HECTD4: variants seen among roughly 807,000 people sequenced by gnomAD.
HECTD4 encodes HECT domain E3 ubiquitin protein ligase 4, also known as probable E3 ubiquitin-protein ligase HECTD4.
A neutral mutation model predicts 471.5 loss-of-function variants in HECTD4; 114 were observed. That is an observed-to-expected ratio of 0.24 (90% confidence interval 0.21 to 0.28). The LOEUF (loss-of-function observed/expected upper bound fraction) is 0.28. Among genes scored for constraint, HECTD4 ranks in the 10% least tolerant of loss-of-function variants. The pLI, the probability that HECTD4 is intolerant of heterozygous loss-of-function variation, is 1.00. For missense variants in HECTD4, 3,866 were observed against 5,651.5 expected, an observed-to-expected ratio of 0.68 and a Z score of 10.13; for synonymous variants, 2,012 against 2,256.0, an observed-to-expected ratio of 0.89 and a Z score of 3.07.
intron 1 of HECTD4, among the ~76,000 whole-genome samples, chr12:112,340,539 T>C (rs2036036788): frequency 6.6e-6 from 1 of 152,162 alleles, no homozygotes; most frequent in Non-Finnish European, 1.5e-5. Context: ...GACGAGCTAC[T>C]GGCATCTAGT....
At chr12:112,250,623 C>CA (rs2033861053) in intron 24 of HECTD4, among the ~76,000 whole-genome samples, 1 of 152,190 alleles carries the variant, frequency 6.6e-6, no homozygotes, top group Admixed American at 6.5e-5. Context: ...GAAAGAATGA[C>CA]ATGGTTAATA....
chr12:112,184,221 G>T lies in HECTD4; in HGVS notation c.10745C>A (p.Ala3582Asp). The T allele has an allele frequency of 6.2e-7, 1 of 1,612,896 alleles. No homozygotes were observed. The highest frequency in any genetic ancestry group is 8.5e-7 in the Non-Finnish European group (1 of 1,179,524). The part of the protein sequence containing the change: ...TVTSLDNQPL[A>D]ARPIKGFAVV... ...TGCGAAGCCTTTGATGGGGCGGGCG[G>T]CGAGGGGCTGGTTGTCCAGGGAAGT... Residue 3582 changes from alanine to aspartate, a missense_variant, in exon 61 of 76, where the codon GCC (alanine) becomes GAC (aspartate). Ala to Asp is a moderately radical substitution (Grantham distance 126, BLOSUM62 -2). Coordinates refer to ENST00000682272, the MANE Select transcript of HECTD4 (RefSeq NM_001388303.1). The surrounding 1 kb of genome is among the most constrained non-coding windows in gnomAD (Gnocchi z 9.1).
At chr12:112,164,400 T>G in intron 72 of HECTD4, 125 bp from the exon 73 acceptor site, 1 of 980,562 alleles carries the variant, frequency 1.0e-6, no homozygotes, top group Non-Finnish European at 1.5e-6. Flanking sequence ...TAGATGAGCA[T>G]GTGACACAGC....
At position 112,235,480 on chromosome 12, in the gene HECTD4, C is replaced by G; in HGVS notation, c.5725+24G>C. 1.3e-6 allele frequency: 2 copies of G among 1,585,918 alleles called. No individual in the cohort carries two copies. The highest frequency in any genetic ancestry group is 1.7e-6 in the Non-Finnish European group (2 of 1,165,704). Reference sequence around the variant, plus strand: ...ACAGGAATGCTGCACTGCCATGCTACTCTCCTGTTGAGGAGCTTCTCACCT... The same window carrying G: ...ACAGGAATGCTGCACTGCCATGCTAGTCTCCTGTTGAGGAGCTTCTCACCT... On this transcript the variant is annotated intron_variant, in intron 36 of 75. Transcript: ENST00000682272. The surrounding 1 kb of genome is among the most constrained non-coding windows in gnomAD (Gnocchi z 5.0).
In HECTD4 at chr12:112,381,339, G is replaced by A. The variant is rs948262505; in HGVS notation, c.177+613C>T. ...CCCGAGAGTGCATGGAGGGCCGCTGGAGCATCCCTCTCGCTGTCCACAGCG... is the reference window on the plus strand; with the variant it reads ...CCCGAGAGTGCATGGAGGGCCGCTGAAGCATCCCTCTCGCTGTCCACAGCG... On this transcript the variant is annotated intron_variant, in intron 1 of 75. Coordinates refer to ENST00000682272, the MANE Select transcript of HECTD4 (RefSeq NM_001388303.1). The surrounding 1 kb of genome is among the most constrained non-coding windows in gnomAD (Gnocchi z 4.1). Among the ~76,000 whole-genome samples, 1 of 152,058 alleles carries A rather than the reference G, an allele frequency of 6.6e-6. No individual in the cohort carries two copies. Among genetic ancestry groups the A allele is most frequent in the Admixed American group, 6.6e-5 (1 of 15,250 alleles).
At chr12:112,307,059 T>C (rs996152325) in intron 6 of HECTD4, among the ~76,000 whole-genome samples, 1 of 152,096 alleles carries the variant, frequency 6.6e-6, no homozygotes, top group Admixed American at 6.5e-5. Flanking sequence ...ACCTGCTGGC[T>C]AGGTTTAAAA....
Position 112,261,456 on chromosome 12 carries a change from T to C in HECTD4, c.2749-27A>G, listed in dbSNP as rs918701381. ...TAGGCAGAAAATATCATCATATTATTTTTAAGCTTTGTGATGAACATACGT... is the reference window on the plus strand; with the variant it reads ...TAGGCAGAAAATATCATCATATTATCTTTAAGCTTTGTGATGAACATACGT... On this transcript the variant is annotated intron_variant, in intron 17 of 75. Transcript: ENST00000682272. The C allele has an allele frequency of 5.1e-6, 8 of 1,579,788 alleles. No individual in the cohort carries two copies. In the African/African-American group the frequency reaches 9.4e-5, roughly 19 times the overall value.
intron 7 of HECTD4, among the ~76,000 whole-genome samples, chr12:112,292,963 A>G (rs1227768486): frequency 2.0e-5 from 3 of 150,198 alleles, no homozygotes; most frequent in East Asian, 2.0e-4. Flanking sequence ...CGGAGGTTGC[A>G]GTGAGCTGAG....
chr12:112,208,506 A>G lies in HECTD4; in HGVS notation c.7992T>C (p.Asp2664=), dbSNP rs1409289235. The change falls in exon 51 of 76, where the codon GAT becomes GAC. Residue 2664 remains aspartate, a synonymous_variant. Coordinates refer to ENST00000682272, the MANE Select transcript of HECTD4 (RefSeq NM_001388303.1). ...ADDESDDDDD[D]DIPQEDHYAL... ...GTGGGTCTCTTACCTGAGGGATGTCATCATCGTCATCATCATCGCTTTCAT... is the reference window on the plus strand; with the variant it reads ...GTGGGTCTCTTACCTGAGGGATGTCGTCATCGTCATCATCATCGCTTTCAT... The G allele has an allele frequency of 6.3e-7, 1 of 1,593,572 alleles. No individual in the cohort carries two copies.
intron 9 of HECTD4, among the ~76,000 whole-genome samples, chr12:112,275,619 C>CATAT (rs149305522): frequency 0.016 from 2,315 of 147,440 alleles, 23 homozygotes; most frequent in African/African-American, 0.027. Context: ...TCCACACCAG[C>CATAT]ATATATATAT....
intron 43 of HECTD4, among the ~76,000 whole-genome samples, chr12:112,227,222 G>A (rs1215971123): frequency 6.6e-6 from 1 of 152,214 alleles, no homozygotes; most frequent in Non-Finnish European, 1.5e-5. Flanking sequence ...CAATTTGGGA[G>A]ACCAACGCAG....
chr12:112,207,781 G>T, intron 52 of HECTD4, 93 bp downstream of exon 52: 1 of 1,415,986 alleles, frequency 7.1e-7, no homozygotes, highest in South Asian at 1.3e-5. Context: ...TGCAACATTA[G>T]ATGAGTCTCT....
chr12:112,210,301 T>C, intron 49 of HECTD4, 49 bp from the exon 50 acceptor site: 6 of 1,584,224 alleles, frequency 3.8e-6, no homozygotes, highest in Non-Finnish European at 5.2e-6. Context: ...CGTTTATTTT[T>C]ATTTCTGCAA....
chr12:112,323,993 C>T lies in HECTD4; in HGVS notation c.178-4251G>A, dbSNP rs71465837. Among the ~76,000 whole-genome samples the T allele has an allele frequency of 0.011, 391 of 34,574 alleles. 59 individuals carry two copies. The East Asian group carries it at 0.22, about 19-fold the overall frequency. The allele number at this position is 34,574 out of a possible 152,430, so 22.7% of individuals were successfully genotyped here. On this transcript the variant is annotated intron_variant, in intron 1 of 75. Transcript: ENST00000682272. ...TCCTTCCTTCCTTCCTTCCTTCCTT[C>T]CTTCCTTCCTTCCTTCCTTCCTTCC...
At chr12:112,244,218 A>T (rs761307903) in intron 29 of HECTD4, among the ~76,000 whole-genome samples, 100 of 152,262 alleles carry the variant, frequency 6.6e-4, no homozygotes, top group Middle Eastern at 3.4e-3. Flanking sequence ...AAAAAATTAA[A>T]ATCTTTTTAT....
intron 1 of HECTD4, among the ~76,000 whole-genome samples, chr12:112,368,481 T>C (rs951778799): frequency 4.6e-5 from 7 of 152,232 alleles, no homozygotes; most frequent in African/African-American, 1.7e-4. Context: ...ATTGATATTA[T>C]CTTTAAATAG....
chr12:112,221,248 CATTTT>C (rs1318064593), intron 44 of HECTD4, among the ~76,000 whole-genome samples: 1 of 152,124 alleles, frequency 6.6e-6, no homozygotes, highest in Non-Finnish European at 1.5e-5. Flanking sequence ...ATTTCAGGAG[CATTTT>C]ATTTTATTTT....
At chr12:112,313,367 T>G (rs1295995742) in intron 3 of HECTD4, among the ~76,000 whole-genome samples, 1 of 151,678 alleles carries the variant, frequency 6.6e-6, no homozygotes, top group African/African-American at 2.4e-5. Flanking sequence ...CAGGCTGGAG[T>G]GCAGTGGTGC....
chr12:112,270,231 A>C lies in HECTD4; in HGVS notation c.2171T>G (p.Phe724Cys). 6.2e-7 allele frequency: 1 copy of C among 1,612,130 alleles called. No homozygotes were observed. The highest frequency in any genetic ancestry group is 1.1e-5 in the South Asian group (1 of 91,034). ...ATTTCAAAACAGTGTATTTACCTGA[A>C]AGACAACGAGAATGCAGCGTATAAT... Reference protein sequence around the residue: ...TCIIRCILVVFQVVFKFFFSP... With the variant: ...TCIIRCILVVCQVVFKFFFSP... The change falls in exon 12 of 76, where the codon TTT becomes TGT. Residue 724 changes from phenylalanine (F) to cysteine (C), a missense_variant. By Grantham distance (205) the Phe-to-Cys change is radical. Coordinates refer to ENST00000682272, the MANE Select transcript of HECTD4 (RefSeq NM_001388303.1).
Sources: allele counts gnomAD v4.1 joint callset (sites outside exome capture counted in the v4.1 genomes callset), GRCh38; gene constraint gnomAD v4.1.1; non-coding constraint Gnocchi (gnomAD v3.1); transcripts MANE v1.5; gene names NCBI Gene and HGNC (gene_info 2026-07-23, HGNC 2026-07-21).